The following STXBP5L variants were observed in gnomAD, a reference collection of about 807,000 sequenced individuals.
STXBP5L encodes the protein syntaxin-binding protein 5-like.
Under a neutral mutation model 144.5 loss-of-function variants are expected in STXBP5L, and 65 were observed. The observed-to-expected ratio is 0.45, with a 90% CI of 0.37 to 0.55. The LOEUF (loss-of-function observed/expected upper bound fraction) is 0.55, where lower values mean the gene tolerates loss of function less well. STXBP5L is among the 20% of genes least tolerant of loss of function. The pLI is 0.00. For missense variants in STXBP5L, 1,298 were observed against 1,405.5 expected, an observed-to-expected ratio of 0.92 and a Z score of 1.22; for synonymous variants, 505 against 469.6, an observed-to-expected ratio of 1.08 and a Z score of -0.97.
chr3:121,357,996 C>T (rs2045584617), intron 20 of STXBP5L: 1 of 151,794 alleles, frequency 6.6e-6, no homozygotes, highest in African/African-American at 2.4e-5. Context: ...ATTGTGGGTG[C>T]ATTGTGGTTG....
intron 19 of STXBP5L, among the ~76,000 whole-genome samples, chr3:121,293,211 GA>G (rs1179502628): frequency 4.6e-5 from 7 of 151,630 alleles, no homozygotes; most frequent in South Asian, 2.1e-4. Context: ...AAATAATCAG[GA>G]AAAAAAAGGA....
At chr3:121,119,232 A>G (rs1004429490) in intron 6 of STXBP5L, among the ~76,000 whole-genome samples, 2 of 151,476 alleles carry the variant, frequency 1.3e-5, no homozygotes, top group African/African-American at 4.8e-5. Context: ...ACATTCCTGT[A>G]TGGCAATAAT....
rs1323976884 is a variant in STXBP5L, at chr3:121,257,225, C to T, written c.1724C>T (p.Pro575Leu). The stretch of plus-strand genomic sequence containing the variant: ...ATTACCCCTGAACCAGAAACAAGTC[C>T]TCCGTTTCCAGATCTCTCAGCCCAG... ...DIITPEPETS[P>L]PFPDLSAQLP... Residue 575 changes from proline to leucine, a missense_variant, in exon 17 of 27, where the codon CCT becomes CTT. Pro to Leu is a moderately conservative substitution (Grantham distance 98, BLOSUM62 -3). Coordinates refer to ENST00000471454, the MANE Select transcript of STXBP5L (RefSeq NM_001308330.2). 1.2e-6 allele frequency: 2 copies of T among 1,613,636 alleles called. No individual in the cohort carries two copies. The highest frequency in any genetic ancestry group is 2.2e-5 in the East Asian group (1 of 44,848).
At chr3:121,073,289 G>A (rs531831251) in intron 5 of STXBP5L, among the ~76,000 whole-genome samples, 1 of 152,330 alleles carries the variant, frequency 6.6e-6, no homozygotes, top group Admixed American at 6.5e-5. Flanking sequence ...CCAGGGTTAT[G>A]TAGGGGTTTT....
At chr3:121,320,525 CT>C (rs898646309) in intron 20 of STXBP5L, among the ~76,000 whole-genome samples, 13 of 151,910 alleles carry the variant, frequency 8.6e-5, no homozygotes, top group Non-Finnish European at 8.8e-5. Flanking sequence ...TATAAGTAGA[CT>C]TTTTTTCTTG....
chr3:121,301,506 C>T (rs1203365997), intron 19 of STXBP5L, among the ~76,000 whole-genome samples: 1 of 152,146 alleles, frequency 6.6e-6, no homozygotes, highest in Non-Finnish European at 1.5e-5. Flanking sequence ...GGCAATTTGA[C>T]TTCCTCTTTT....
At chr3:121,287,033 C>G (rs527891383) in intron 19 of STXBP5L, among the ~76,000 whole-genome samples, 2 of 152,134 alleles carry the variant, frequency 1.3e-5, no homozygotes, top group East Asian at 1.9e-4. Context: ...TACAGTGTTT[C>G]CTCCTAGAGC....
At chr3:121,262,956 G>A (rs779034637) in intron 18 of STXBP5L, among the ~76,000 whole-genome samples, 3 of 152,202 alleles carry the variant, frequency 2.0e-5, no homozygotes, top group Non-Finnish European at 4.4e-5. Context: ...CCAGCACAGC[G>A]CTTGAGCTCT....
intron 20 of STXBP5L, among the ~76,000 whole-genome samples, chr3:121,340,983 C>A (rs1006231919): frequency 1.3e-5 from 2 of 151,620 alleles, no homozygotes; most frequent in African/African-American, 4.8e-5. Context: ...CTCATGGTAA[C>A]CTCAAATAAA....
intron 9 of STXBP5L, among the ~76,000 whole-genome samples, chr3:121,182,922 G>A (rs924870796): frequency 6.6e-6 from 1 of 152,132 alleles, no homozygotes; most frequent in Non-Finnish European, 1.5e-5. Flanking sequence ...CAAAATACTA[G>A]CTAACCGAAT....
intron 19 of STXBP5L, among the ~76,000 whole-genome samples, chr3:121,303,072 A>G (rs1223120301): frequency 6.6e-6 from 1 of 152,222 alleles, no homozygotes; most frequent in Non-Finnish European, 1.5e-5. Context: ...AGCAAAAGAA[A>G]CTACCATCAG....
At chr3:121,008,421 A>G (rs549393201) in intron 3 of STXBP5L, among the ~76,000 whole-genome samples, 26 of 152,154 alleles carry the variant, frequency 1.7e-4, no homozygotes, top group African/African-American at 6.0e-4. Flanking sequence ...CTAAATTTAT[A>G]TAGACAGGAA....
intron 20 of STXBP5L, among the ~76,000 whole-genome samples, chr3:121,349,159 C>G (rs1236660621): frequency 1.3e-5 from 2 of 152,040 alleles, no homozygotes; most frequent in African/African-American, 4.8e-5. Context: ...TACGTTGTGT[C>G]TTTGTTCTCA....
At chr3:121,201,345 T>G (rs1475736844) in intron 9 of STXBP5L, among the ~76,000 whole-genome samples, 5 of 152,198 alleles carry the variant, frequency 3.3e-5, no homozygotes, top group Non-Finnish European at 7.3e-5. Flanking sequence ...ACCCCTACTG[T>G]TTTTTGCTTT....
At chr3:121,065,901 T>G (rs1433931528) in intron 5 of STXBP5L, among the ~76,000 whole-genome samples, 2 of 152,156 alleles carry the variant, frequency 1.3e-5, no homozygotes, top group East Asian at 3.8e-4. Flanking sequence ...GGGCCTCAAC[T>G]TTTTGCCGGC....
chr3:120,950,863 A>G (rs553690120), intron 2 of STXBP5L, among the ~76,000 whole-genome samples: 1 of 151,524 alleles, frequency 6.6e-6, no homozygotes, highest in South Asian at 2.1e-4. Context: ...CCTAAGCCAA[A>G]AGAACAAAGC....
chr3:121,201,362 G>C (rs935412634), intron 9 of STXBP5L, among the ~76,000 whole-genome samples: 1 of 152,034 alleles, frequency 6.6e-6, no homozygotes, highest in Non-Finnish European at 1.5e-5. Context: ...CTTTCCATTT[G>C]CTTGGTAAAT....
At chr3:121,003,175 G>C (rs925006361) in intron 3 of STXBP5L, among the ~76,000 whole-genome samples, 10 of 152,164 alleles carry the variant, frequency 6.6e-5, no homozygotes, top group Non-Finnish European at 1.2e-4. Flanking sequence ...CCCACCAACA[G>C]TGTAAAAGTG....
chr3:121,280,191 C>T (rs1432709982), intron 19 of STXBP5L, among the ~76,000 whole-genome samples: 1 of 151,728 alleles, frequency 6.6e-6, no homozygotes, highest in Non-Finnish European at 1.5e-5. Context: ...GGAAGCATCT[C>T]AACTTTCTTA....
Sources: allele counts gnomAD v4.1 joint callset (sites outside exome capture counted in the v4.1 genomes callset), GRCh38; gene constraint gnomAD v4.1.1; transcripts MANE v1.5; gene names NCBI Gene and HGNC (gene_info 2026-07-23, HGNC 2026-07-21).